The following SORCS2 variants were observed in gnomAD, a reference collection of about 807,000 sequenced individuals.
SORCS2 encodes VPS10 domain-containing receptor SorCS2.
SORCS2 carries 100 observed loss-of-function variants against 141.6 expected under a neutral mutation model. That is an observed-to-expected ratio of 0.71 (90% confidence interval 0.60 to 0.83). The LOEUF is 0.83. Ranked by LOEUF, SORCS2 falls within the 40% of genes least tolerant of loss-of-function variation. The pLI is 0.00. For synonymous variants in SORCS2, 789 were observed against 676.9 expected, an observed-to-expected ratio of 1.17 and a Z score of -2.57; for missense variants, 1,646 against 1,560.2, an observed-to-expected ratio of 1.05 and a Z score of -0.93.
At chr4:7,556,914 T>C (rs1421146367) in intron 3 of SORCS2, among the ~76,000 whole-genome samples, 2 of 143,446 alleles carry the variant, frequency 1.4e-5, no homozygotes, top group African/African-American at 2.6e-5. Context: ...CATCCATCCA[T>C]CCACCCACCC....
At chr4:7,227,699 G>A (rs757099174) in intron 1 of SORCS2, among the ~76,000 whole-genome samples, 3 of 151,998 alleles carry the variant, frequency 2.0e-5, no homozygotes, top group Non-Finnish European at 2.9e-5. Context: ...CTCCTTCCTC[G>A]CCTTTCACCC....
At chr4:7,712,906 A>T in intron 15 of SORCS2, 53 bp downstream of exon 15, 1 of 1,596,854 alleles carries the variant, frequency 6.3e-7, no homozygotes, top group Non-Finnish European at 8.5e-7. Context: ...CTGCAAACAC[A>T]GGCCCACTCT....
intron 2 of SORCS2, among the ~76,000 whole-genome samples, chr4:7,491,868 G>A (rs1372488363): frequency 6.6e-6 from 1 of 152,186 alleles, no homozygotes; most frequent in African/African-American, 2.4e-5. Flanking sequence ...TGGCTGTCCA[G>A]GGCTGTGCTC....
intron 2 of SORCS2, among the ~76,000 whole-genome samples, chr4:7,465,942 G>T (rs1256797769): frequency 6.6e-6 from 1 of 152,168 alleles, no homozygotes; most frequent in Non-Finnish European, 1.5e-5. Context: ...AAGGATCCAT[G>T]CAAGGCAGAA....
intron 3 of SORCS2, among the ~76,000 whole-genome samples, chr4:7,550,233 A>T (rs1364634172): frequency 6.6e-6 from 1 of 151,802 alleles, no homozygotes; most frequent in East Asian, 1.9e-4. Context: ...AACCGCCCTG[A>T]GACTGTGCTA....
intron 1 of SORCS2, among the ~76,000 whole-genome samples, chr4:7,331,115 T>TG (rs1024569822): frequency 6.9e-6 from 1 of 144,370 alleles, no homozygotes; most frequent in African/African-American, 2.6e-5. Flanking sequence ...GGCGAGAGGC[T>TG]GGGGGTGGGG....
intron 1 of SORCS2, among the ~76,000 whole-genome samples, chr4:7,262,751 C>T (rs1229891002): frequency 6.6e-6 from 1 of 152,202 alleles, no homozygotes; most frequent in Non-Finnish European, 1.5e-5. Flanking sequence ...ACGACCTCCA[C>T]ACAGCCCTCA....
intron 10 of SORCS2, 39 bp from the exon 11 acceptor site, chr4:7,689,447 C>T: frequency 1.9e-6 from 3 of 1,542,688 alleles, no homozygotes; most frequent in Non-Finnish European, 2.6e-6. Context: ...GATGCTCCTA[C>T]TCATGTGTTG....
At chr4:7,220,757 A>T (rs1025102801) in intron 1 of SORCS2, among the ~76,000 whole-genome samples, 1 of 152,028 alleles carries the variant, frequency 6.6e-6, no homozygotes, top group African/African-American at 2.4e-5. Flanking sequence ...CAGGTGTGAA[A>T]CATGCCACTT....
intron 1 of SORCS2, among the ~76,000 whole-genome samples, chr4:7,350,159 C>A (rs573097496): frequency 6.6e-6 from 1 of 152,212 alleles, no homozygotes; most frequent in Non-Finnish European, 1.5e-5. Flanking sequence ...AAGCACAACC[C>A]ACCCCATGGC....
chr4:7,667,977 C>T (rs893996279), intron 8 of SORCS2, among the ~76,000 whole-genome samples: 3 of 152,218 alleles, frequency 2.0e-5, no homozygotes, highest in South Asian at 2.1e-4. Context: ...ACACCTCCCT[C>T]GTGAGGACAT....
chr4:7,521,526 A>G (rs970855963), intron 2 of SORCS2, among the ~76,000 whole-genome samples: 8 of 152,158 alleles, frequency 5.3e-5, no homozygotes, highest in Non-Finnish European at 1.2e-4. Flanking sequence ...AGGGTTTGTT[A>G]GAAAGTCTGG....
At chr4:7,721,193 G>A (rs1004567082) in intron 18 of SORCS2, among the ~76,000 whole-genome samples, 2 of 152,188 alleles carry the variant, frequency 1.3e-5, no homozygotes, top group Non-Finnish European at 2.9e-5. Context: ...GGCCCAGCAC[G>A]GTGTCTCACG....
intron 1 of SORCS2, among the ~76,000 whole-genome samples, chr4:7,222,121 G>A (rs1183936499): frequency 6.6e-6 from 1 of 152,100 alleles, no homozygotes; most frequent in Non-Finnish European, 1.5e-5. Context: ...GGGCATGTAT[G>A]GGGGACAGAA....
At chr4:7,458,505 C>T (rs1305325819) in intron 2 of SORCS2, among the ~76,000 whole-genome samples, 8 of 152,180 alleles carry the variant, frequency 5.3e-5, no homozygotes, top group African/African-American at 9.7e-5. Flanking sequence ...AGCAGCCTGA[C>T]ATTCATGCTT....
chr4:7,623,452 C>T (rs1719330925), intron 3 of SORCS2, among the ~76,000 whole-genome samples: 1 of 152,110 alleles, frequency 6.6e-6, no homozygotes, highest in African/African-American at 2.4e-5. Context: ...TCTCTGGCCA[C>T]TCCTTCTCAG....
chr4:7,389,412 C>A (rs1031175283), intron 1 of SORCS2, among the ~76,000 whole-genome samples: 3 of 152,156 alleles, frequency 2.0e-5, no homozygotes, highest in African/African-American at 7.2e-5. Flanking sequence ...TGCCCGTGGG[C>A]CCCACTGATG....
chr4:7,238,164 C>T (rs1389947222), intron 1 of SORCS2, among the ~76,000 whole-genome samples: 3 of 152,180 alleles, frequency 2.0e-5, no homozygotes, highest in Non-Finnish European at 4.4e-5. Flanking sequence ...TGTAATCCAA[C>T]TCTTCCATGA....
In SORCS2 at chr4:7,661,572, G is replaced by A. The variant is rs531990014; in HGVS notation, c.952+8G>A. 1.0e-5 allele frequency: 16 copies of A among 1,551,640 alleles called. No homozygotes were observed. Among genetic ancestry groups the A allele is most frequent in the South Asian group, 8.3e-5 (7 of 84,022 alleles). The stretch of plus-strand genomic sequence containing the variant: ...CCCAAGACCTCGGTGGAGGTAAGCC[G>A]GGCAGTGCACAGGCACCGGGTATCC... On this transcript the variant is annotated splice_region_variant and intron_variant, in intron 6 of 26. Coordinates refer to ENST00000507866, the MANE Select transcript of SORCS2 (RefSeq NM_020777.3).
Sources: allele counts gnomAD v4.1 joint callset (sites outside exome capture counted in the v4.1 genomes callset), GRCh38; gene constraint gnomAD v4.1.1; transcripts MANE v1.5; gene names NCBI Gene and HGNC (gene_info 2026-07-23, HGNC 2026-07-21).